The following NAV3 variants were observed in gnomAD, a reference collection of about 807,000 sequenced individuals.
The protein encoded by NAV3 is pore membrane and/or filament interacting like protein 1.
NAV3 carries 87 observed loss-of-function variants against 244.7 expected under a neutral mutation model. The observed-to-expected ratio is 0.36, with a 90% CI of 0.30 to 0.42. NAV3 has a LOEUF of 0.42. Among genes scored for constraint, NAV3 ranks in the 20% least tolerant of loss-of-function variants. The pLI is 1.00. For synonymous variants in NAV3, 1,126 were observed against 1,042.2 expected (o/e 1.08, Z -1.55); for missense variants, 2,663 against 2,893.3 (o/e 0.92, Z 1.83).
intron 2 of NAV3, among the ~76,000 whole-genome samples, chr12:77,582,979 C>G (rs144811727): frequency 2.0e-5 from 3 of 152,164 alleles, no homozygotes; most frequent in Non-Finnish European, 4.4e-5. Flanking sequence ...GAATAGTGTT[C>G]TATATAAATG....
At chr12:77,829,491 CTTA>C (rs368183193), upstream of NAV3, among the ~76,000 whole-genome samples, 56 of 152,282 alleles carry the variant, frequency 3.7e-4, no homozygotes, top group East Asian at 9.4e-3. Flanking sequence ...TTGCATATGT[CTTA>C]TTATGAACTA....
chr12:77,716,502 A>G lies in NAV3; in HGVS notation c.72+144236A>G, dbSNP rs568778815. 3.9e-5 allele frequency among the ~76,000 whole-genome samples: 6 copies of G among 151,984 alleles called. No homozygotes were observed. The South Asian group carries it at 1.2e-3, about 32-fold the overall frequency. On this transcript the variant is annotated intron_variant, in intron 2 of 8. Coordinates refer to the NAV3 transcript ENST00000550042. The stretch of plus-strand genomic sequence containing the variant: ...ATGTTTTATGAAAAAAATTTTCATA[A>G]TTTTTCTAAAGGATTGTAATAAACA...
At chr12:78,166,173 G>C (rs1957774263) in intron 23 of NAV3, among the ~76,000 whole-genome samples, 1 of 151,628 alleles carries the variant, frequency 6.6e-6, no homozygotes, top group Admixed American at 6.6e-5. Context: ...CTTTTTTTCT[G>C]ACAGGAAAAC....
At chr12:78,172,078 A>G (rs1372296882) in intron 24 of NAV3, among the ~76,000 whole-genome samples, 1 of 151,670 alleles carries the variant, frequency 6.6e-6, no homozygotes, top group Non-Finnish European at 1.5e-5. Context: ...GGAGCTCACA[A>G]TCCACTGCAA....
At chr12:77,803,751 A>G (rs1290187073) in intron 2 of NAV3, among the ~76,000 whole-genome samples, 2 of 152,310 alleles carry the variant, frequency 1.3e-5, no homozygotes, top group Non-Finnish European at 2.9e-5. Context: ...CCAACAGTGT[A>G]AAAGCGTTTA....
chr12:77,908,104 A>G (rs190820423), intron 1 of NAV3, among the ~76,000 whole-genome samples: 2 of 152,190 alleles, frequency 1.3e-5, no homozygotes, highest in East Asian at 3.9e-4. Flanking sequence ...ACTATATTTT[A>G]TTATTTTAAA....
intron 2 of NAV3, among the ~76,000 whole-genome samples, chr12:77,687,981 G>A (rs1320738215): frequency 2.0e-5 from 3 of 151,918 alleles, no homozygotes; most frequent in Non-Finnish European, 4.4e-5. Context: ...GTATATATTA[G>A]TTGTATGTAA....
At position 77,899,740 on chromosome 12, in the gene NAV3, T is replaced by C. The variant is rs566055891; in HGVS notation, c.244-40579T>C. 2.6e-5 allele frequency among the ~76,000 whole-genome samples: 4 copies of C among 152,346 alleles called. 1 individual carries two copies. In the East Asian group the frequency reaches 7.7e-4, roughly 29 times the overall value. On this transcript the variant is annotated intron_variant, in intron 1 of 39. Transcript: ENST00000397909. ...AATAAAATGAGGCATATTTTACATG[T>C]CCGGAATTTAAAAGTTTGTATGCCT...
chr12:77,909,691 A>G (rs1266151494), intron 1 of NAV3, among the ~76,000 whole-genome samples: 1 of 152,102 alleles, frequency 6.6e-6, no homozygotes, highest in Non-Finnish European at 1.5e-5. Context: ...AATTTAATTT[A>G]TGACTTTCTT....
intron 8 of NAV3, among the ~76,000 whole-genome samples, chr12:78,019,053 C>G (rs1234770981): frequency 1.3e-5 from 2 of 152,078 alleles, no homozygotes; most frequent in East Asian, 1.9e-4. Flanking sequence ...TTAATATTGA[C>G]CAGAATTTCA....
chr12:77,878,170 G>T (rs1476243245), intron 1 of NAV3, among the ~76,000 whole-genome samples: 1 of 151,534 alleles, frequency 6.6e-6, no homozygotes, highest in Non-Finnish European at 1.5e-5. Flanking sequence ...AAGGACATGA[G>T]GTAAAAATCT....
intron 2 of NAV3, among the ~76,000 whole-genome samples, chr12:77,822,266 G>A (rs4761321): frequency 0.94 from 142,531 of 152,248 alleles, 67,464 homozygotes; most frequent in East Asian, 1. Context: ...CCTCGTTTTA[G>A]GTGGACATTG....
At chr12:78,087,803 T>C (rs1953713375) in intron 12 of NAV3, among the ~76,000 whole-genome samples, 1 of 151,962 alleles carries the variant, frequency 6.6e-6, no homozygotes, top group Non-Finnish European at 1.5e-5. Flanking sequence ...TAATTAGGGG[T>C]CTATTTATTT....
At chr12:78,187,348 CT>C (rs930480130) in intron 31 of NAV3, among the ~76,000 whole-genome samples, 18 of 151,830 alleles carry the variant, frequency 1.2e-4, no homozygotes, top group African/African-American at 3.9e-4. Context: ...TAACTCATGA[CT>C]CAGTGATTAT....
rs182207069 is a variant in NAV3, at chr12:78,164,009, A to G, written c.4869+4723A>G. ...GAAATTGCTACTCAAATCATTGTGC[A>G]GCTTAATTTTCTCACAGAAGGCCAG... On this transcript the variant is annotated intron_variant, in intron 23 of 39. Transcript: ENST00000397909. Among the ~76,000 whole-genome samples, 395 of 152,218 alleles carry G rather than the reference A, an allele frequency of 2.6e-3. 2 individuals carry two copies. Among genetic ancestry groups the G allele is most frequent in the African/African-American group, 9.3e-3 (385 of 41,558 alleles).
chr12:77,574,815 G>A (rs900605797), intron 2 of NAV3, among the ~76,000 whole-genome samples: 1 of 151,900 alleles, frequency 6.6e-6, no homozygotes, highest in Non-Finnish European at 1.5e-5. Context: ...CAAACTCTTA[G>A]GATCCTGTTT....
chr12:78,159,935 A>G (rs932175971), intron 23 of NAV3, among the ~76,000 whole-genome samples: 7 of 152,110 alleles, frequency 4.6e-5, no homozygotes, highest in Admixed American at 2.6e-4. Context: ...TTTGATAAGA[A>G]CTTTCACAAA....
chr12:77,755,976 C>A (rs767997522), intron 2 of NAV3, among the ~76,000 whole-genome samples: 1 of 152,096 alleles, frequency 6.6e-6, no homozygotes, highest in Non-Finnish European at 1.5e-5. Flanking sequence ...AGAAAAAGTT[C>A]TAAAATACTA....
chr12:77,971,795 T>C (rs1393017989), intron 5 of NAV3, among the ~76,000 whole-genome samples: 1 of 152,186 alleles, frequency 6.6e-6, no homozygotes, highest in Non-Finnish European at 1.5e-5. Flanking sequence ...AATGTTCTTA[T>C]ATTTTTCTCT....
Sources: allele counts gnomAD v4.1 joint callset (sites outside exome capture counted in the v4.1 genomes callset), GRCh38; gene constraint gnomAD v4.1.1; transcripts MANE v1.5; gene names NCBI Gene and HGNC (gene_info 2026-07-23, HGNC 2026-07-21).